SLC25A21: variants seen among roughly 807,000 people sequenced by gnomAD.
The protein encoded by SLC25A21 is solute carrier family 25 member 21.
Under a neutral mutation model 43.8 loss-of-function variants are expected in SLC25A21, and 47 were observed. That is an observed-to-expected ratio of 1.07 (90% CI 0.85 to 1.37). SLC25A21 has a LOEUF of 1.37. SLC25A21 is among the 40% of genes most tolerant of loss of function. The probability of loss-of-function intolerance (pLI) is 0.00; values close to 1 mark genes in which losing one functional copy is unlikely to be tolerated. For missense variants in SLC25A21, 352 were observed against 350.2 expected, an observed-to-expected ratio of 1.00 and a Z score of -0.04; for synonymous variants, 131 against 121.3, an observed-to-expected ratio of 1.08 and a Z score of -0.52.
intron 1 of SLC25A21, among the ~76,000 whole-genome samples, chr14:37,149,712 A>T (rs1963726728): frequency 6.6e-6 from 1 of 152,108 alleles, no homozygotes; most frequent in Admixed American, 6.6e-5. Context: ...CTCAAAAAAT[A>T]AATAAATAAT....
intron 3 of SLC25A21, among the ~76,000 whole-genome samples, chr14:36,760,385 A>C (rs868116874): frequency 1.4e-3 from 193 of 142,772 alleles, no homozygotes; most frequent in African/African-American, 4.8e-3. Context: ...GGAAGGAAGG[A>C]AGGAAGGCAG....
intron 1 of SLC25A21, among the ~76,000 whole-genome samples, chr14:37,037,382 C>T (rs1027787573): frequency 1.3e-5 from 2 of 152,128 alleles, no homozygotes; most frequent in African/African-American, 4.8e-5. Context: ...TATTAATGAT[C>T]AGTCTTTTTA....
chr14:37,141,647 G>A (rs1051839346), intron 1 of SLC25A21, among the ~76,000 whole-genome samples: 4 of 152,026 alleles, frequency 2.6e-5, no homozygotes, highest in Admixed American at 6.6e-5. Context: ...ACTTTACTAC[G>A]TAAATGTTAG....
chr14:37,113,964 C>T lies in SLC25A21; in HGVS notation c.70+58317G>A, dbSNP rs111226730. On this transcript the variant is annotated intron_variant, in intron 1 of 9. Coordinates refer to ENST00000331299, the MANE Select transcript of SLC25A21 (RefSeq NM_030631.4). ...TATTGAAAGCTATTTTTGAGTCTAC[C>T]ATTAAAAAGTATTTACAAATATTTG... Among the ~76,000 whole-genome samples the T allele has an allele frequency of 1.3e-5, 2 of 151,932 alleles. 1 individual carries two copies. Among genetic ancestry groups the T allele is most frequent in the African/African-American group, 4.8e-5 (2 of 41,452 alleles).
intron 1 of SLC25A21, among the ~76,000 whole-genome samples, chr14:37,116,284 G>A (rs901396335): frequency 1.6e-4 from 24 of 152,108 alleles, no homozygotes; most frequent in Non-Finnish European, 1.0e-4. Flanking sequence ...CCCACTCCGG[G>A]TAGATAATCT....
At chr14:37,083,162 T>C (rs1391352144) in intron 1 of SLC25A21, among the ~76,000 whole-genome samples, 1 of 152,202 alleles carries the variant, frequency 6.6e-6, no homozygotes, top group Non-Finnish European at 1.5e-5. Flanking sequence ...AGAGGTATAA[T>C]AGGATGAGAA....
intron 2 of SLC25A21, among the ~76,000 whole-genome samples, chr14:36,835,972 G>A (rs1889194396): frequency 6.6e-6 from 1 of 152,158 alleles, no homozygotes; most frequent in Non-Finnish European, 1.5e-5. Context: ...CTCCCCTCCA[G>A]AGTTGGACCA....
chr14:36,740,635 C>CCCACAAAAAA, intron 3 of SLC25A21, among the ~76,000 whole-genome samples: 1 of 151,536 alleles, frequency 6.6e-6, no homozygotes, highest in South Asian at 2.1e-4. Context: ...CCCCCACCCC[C>CCCACAAAAAA]ATCTTAAAAG....
At chr14:36,734,687 A>T (rs1594535622) in intron 3 of SLC25A21, 114 bp from the exon 4 acceptor site, 1 of 720,946 alleles carries the variant, frequency 1.4e-6, no homozygotes, top group Non-Finnish European at 2.3e-6. Context: ...CACACCAATC[A>T]TGAAGTCTTC....
Position 36,729,158 on chromosome 14 carries a change from G to A in SLC25A21, c.330+349C>T, listed in dbSNP as rs188993679. Among the ~76,000 whole-genome samples, 12 of 152,304 alleles carry A rather than the reference G, an allele frequency of 7.9e-5. No individual in the cohort carries two copies. The East Asian group carries it at 2.3e-3, about 29-fold the overall frequency. On this transcript the variant is annotated intron_variant, in intron 5 of 9. Transcript: ENST00000331299. ...GGTGCAAAAGCTGGAAAAGTGACCT[G>A]TTTGGCATGTTGACTTTTGGATAGA...
intron 1 of SLC25A21, among the ~76,000 whole-genome samples, chr14:37,153,976 C>T (rs528935865): frequency 1.3e-5 from 2 of 152,296 alleles, no homozygotes; most frequent in East Asian, 1.9e-4. Context: ...ATCATCCATG[C>T]TATACTGGCT....
At position 37,164,600 on chromosome 14, in the gene SLC25A21, C is replaced by T. The variant is rs968284718; in HGVS notation, c.70+7681G>A. Among the ~76,000 whole-genome samples the T allele has an allele frequency of 1.3e-4, 20 of 152,072 alleles. 1 individual carries two copies. Among genetic ancestry groups the T allele is most frequent in the Admixed American group, 1.1e-3 (17 of 15,270 alleles). ...CCCTGGTGTATCAGCCCTTTTATTA[C>T]GTAGTTCAAATTAAAATCCAAAGGA... On this transcript the variant is annotated intron_variant, in intron 1 of 9. Transcript: ENST00000331299.
chr14:37,088,580 T>G (rs1962527437), intron 1 of SLC25A21, among the ~76,000 whole-genome samples: 1 of 152,208 alleles, frequency 6.6e-6, no homozygotes, highest in African/African-American at 2.4e-5. Context: ...AAAGAGTGGG[T>G]TGAAGCAGTG....
At chr14:36,970,534 A>C (rs1247923091) in intron 1 of SLC25A21, among the ~76,000 whole-genome samples, 2 of 152,250 alleles carry the variant, frequency 1.3e-5, no homozygotes, top group African/African-American at 4.8e-5. Flanking sequence ...ACTAGAGGGA[A>C]TTAAGTCAAC....
At chr14:36,702,272 G>A (rs1055659409) in intron 7 of SLC25A21, among the ~76,000 whole-genome samples, 1 of 151,830 alleles carries the variant, frequency 6.6e-6, no homozygotes, top group Non-Finnish European at 1.5e-5. Context: ...CTTTCTGCCT[G>A]GTTCATTCAA....
At chr14:36,948,508 C>A (rs1892727750) in intron 1 of SLC25A21, among the ~76,000 whole-genome samples, 3 of 152,026 alleles carry the variant, frequency 2.0e-5, no homozygotes, top group Admixed American at 2.0e-4. Flanking sequence ...GAATAAGACC[C>A]TGCTTGAAGA....
chr14:37,160,536 G>A (rs1252631545), intron 1 of SLC25A21, among the ~76,000 whole-genome samples: 1 of 152,154 alleles, frequency 6.6e-6, no homozygotes, highest in Non-Finnish European at 1.5e-5. Context: ...TGGAAGTAGA[G>A]TAGAAAAATA....
At chr14:36,711,530 G>A in intron 6 of SLC25A21, 48 bp from the exon 7 acceptor site, 1 of 1,570,956 alleles carries the variant, frequency 6.4e-7, no homozygotes, top group African/African-American at 1.4e-5. Context: ...TGGGACTGTG[G>A]AATACAGTAA....
intron 2 of SLC25A21, among the ~76,000 whole-genome samples, chr14:36,855,353 GGGA>G (rs139825039): frequency 0.048 from 7,271 of 152,174 alleles, 274 homozygotes; most frequent in East Asian, 0.15. Context: ...AAATCAAAGT[GGGA>G]GGCAGCCTCA....
Sources: allele counts gnomAD v4.1 joint callset (sites outside exome capture counted in the v4.1 genomes callset), GRCh38; gene constraint gnomAD v4.1.1; transcripts MANE v1.5; gene names NCBI Gene and HGNC (gene_info 2026-07-23, HGNC 2026-07-21).